The following CSMD1 variants were observed in gnomAD, a reference collection of about 807,000 sequenced individuals.
CSMD1 encodes the protein CUB and sushi domain-containing protein 1.
CSMD1 carries 213 observed loss-of-function variants against 417.5 expected under a neutral mutation model. The ratio of observed to expected loss-of-function variants is 0.51; its 90% CI spans 0.46 to 0.57. The LOEUF (loss-of-function observed/expected upper bound fraction) is 0.57. CSMD1 is among the 20% of genes least tolerant of loss of function. CSMD1 has a pLI of 0.00. For missense variants in CSMD1, 6,923 were observed against 4,529.7 expected (o/e 1.53, Z -15.17); for synonymous variants, 2,862 against 1,736.8 (o/e 1.65, Z -16.11).
chr8:4,986,757 T>C (rs762085155), intron 1 of CSMD1, among the ~76,000 whole-genome samples: 51 of 152,184 alleles, frequency 3.4e-4, no homozygotes, highest in Non-Finnish European at 4.1e-4. Context: ...GAATGATGGA[T>C]ACCGATAATA....
chr8:4,217,461 A>G (rs928022657), intron 3 of CSMD1, among the ~76,000 whole-genome samples: 4 of 152,190 alleles, frequency 2.6e-5, no homozygotes, highest in African/African-American at 9.7e-5. Flanking sequence ...AGCTATACAC[A>G]GTGAATTAAA....
At chr8:3,912,463 G>A (rs1368464022) in intron 5 of CSMD1, among the ~76,000 whole-genome samples, 3 of 152,160 alleles carry the variant, frequency 2.0e-5, no homozygotes, top group Non-Finnish European at 4.4e-5. Flanking sequence ...TCCTAAACCA[G>A]AGAGGCTGCG....
At chr8:4,789,345 G>C (rs898169411) in intron 1 of CSMD1, among the ~76,000 whole-genome samples, 5 of 152,140 alleles carry the variant, frequency 3.3e-5, no homozygotes, top group Admixed American at 3.3e-4. Context: ...AGACAATAAA[G>C]TATGAATTTC....
rs761057412 is a variant in CSMD1, at chr8:2,998,045, G to C, written c.8343C>G (p.Asn2781Lys). 6.2e-7 allele frequency: 1 copy of C among 1,613,950 alleles called. No individual in the cohort carries two copies. The highest frequency in any genetic ancestry group is 8.5e-7 in the Non-Finnish European group (1 of 1,179,860). ...TGGGCAGAGGGCTACTCCACTGGCCGTTGCTCCGACACTGGGCTCGAGACA... is the reference window on the plus strand; with the variant it reads ...TGGGCAGAGGGCTACTCCACTGGCCCTTGCTCCGACACTGGGCTCGAGACA... ...QGVSRAQCRS[N>K]GQWSSPLPTC... The change falls in exon 54 of 70, where the codon AAC becomes AAG. Residue 2781 changes from asparagine to lysine, a missense_variant. Coordinates refer to ENST00000635120, the MANE Select transcript of CSMD1 (RefSeq NM_033225.6).
At chr8:3,591,789 A>G (rs1800858431) in intron 8 of CSMD1, among the ~76,000 whole-genome samples, 1 of 121,428 alleles carries the variant, frequency 8.2e-6, no homozygotes, top group Non-Finnish European at 2.0e-5. Context: ...GGATGGATAG[A>G]TGGAAAGATG....
intron 12 of CSMD1, among the ~76,000 whole-genome samples, chr8:3,420,569 C>G (rs1380724939): frequency 6.6e-6 from 1 of 151,670 alleles, no homozygotes; most frequent in African/African-American, 2.4e-5. Flanking sequence ...TCTGTACTAT[C>G]TTTGCAACTT....
At chr8:3,320,243 G>A (rs949034533) in intron 23 of CSMD1, among the ~76,000 whole-genome samples, 6 of 152,176 alleles carry the variant, frequency 3.9e-5, no homozygotes, top group African/African-American at 1.4e-4. Context: ...GAGAGGGACG[G>A]AGGATGAGAA....
intron 2 of CSMD1, among the ~76,000 whole-genome samples, chr8:4,586,541 A>G (rs1799709310): frequency 6.6e-6 from 1 of 152,130 alleles, no homozygotes; most frequent in African/African-American, 2.4e-5. Flanking sequence ...GGAAAAATCA[A>G]TGTTTTTATG....
intron 23 of CSMD1, 104 bp from the exon 24 acceptor site, chr8:3,308,607 G>A (rs996787063): frequency 1.3e-6 from 1 of 771,614 alleles, no homozygotes; most frequent in Non-Finnish European, 2.1e-6. Context: ...TGAAGGGTAG[G>A]GAGAAAAAAG....
intron 5 of CSMD1, among the ~76,000 whole-genome samples, chr8:3,852,768 G>C (rs1006625012): frequency 1.3e-5 from 2 of 152,060 alleles, no homozygotes; most frequent in Non-Finnish European, 2.9e-5. Context: ...CAGGTTTGTA[G>C]GATCCATTCC....
chr8:3,975,780 T>C (rs1030098922), intron 5 of CSMD1, among the ~76,000 whole-genome samples: 3 of 152,226 alleles, frequency 2.0e-5, no homozygotes, highest in African/African-American at 7.2e-5. Flanking sequence ...AAGATTTCTC[T>C]GATAACTTAA....
chr8:3,042,932 T>C (rs575506749), intron 50 of CSMD1, among the ~76,000 whole-genome samples: 3 of 151,978 alleles, frequency 2.0e-5, no homozygotes, highest in African/African-American at 7.2e-5. Flanking sequence ...GATATATATA[T>C]AGTATATATA....
chr8:4,013,116 T>A (rs894071469), intron 4 of CSMD1, among the ~76,000 whole-genome samples: 34 of 152,302 alleles, frequency 2.2e-4, no homozygotes, highest in Admixed American at 1.3e-4. Flanking sequence ...GATGTCGTTT[T>A]TCTTCTCGTA....
chr8:4,936,588 A>G (rs1456798756), intron 1 of CSMD1, among the ~76,000 whole-genome samples: 1 of 152,182 alleles, frequency 6.6e-6, no homozygotes, highest in Non-Finnish European at 1.5e-5. Flanking sequence ...CTACCTGTGA[A>G]ACACTTTATT....
intron 2 of CSMD1, among the ~76,000 whole-genome samples, chr8:4,430,142 G>C (rs755837944): frequency 1.3e-5 from 2 of 152,148 alleles, no homozygotes; most frequent in African/African-American, 4.8e-5. Context: ...ATTCCACAAA[G>C]CAAATCTATG....
At chr8:4,753,686 TC>T (rs1243692578) in intron 1 of CSMD1, among the ~76,000 whole-genome samples, 2 of 152,198 alleles carry the variant, frequency 1.3e-5, no homozygotes, top group East Asian at 3.9e-4. Flanking sequence ...TGGTGTCTCT[TC>T]TGACCTTCTG....
chr8:4,096,533 T>A (rs985784475), intron 3 of CSMD1, among the ~76,000 whole-genome samples: 3 of 151,946 alleles, frequency 2.0e-5, no homozygotes, highest in Non-Finnish European at 4.4e-5. Context: ...AAACTGAGAA[T>A]GTTAAATCCT....
chr8:3,661,511 T>C (rs979493421), intron 7 of CSMD1, among the ~76,000 whole-genome samples: 2 of 152,098 alleles, frequency 1.3e-5, no homozygotes, highest in African/African-American at 4.8e-5. Context: ...TTTTTTTCTT[T>C]TTTGAGACTG....
intron 7 of CSMD1, among the ~76,000 whole-genome samples, chr8:3,645,854 T>C (rs1456414093): frequency 1.3e-5 from 2 of 152,228 alleles, no homozygotes; most frequent in African/African-American, 2.4e-5. Flanking sequence ...ATTGTTTAAA[T>C]AATGTTTTTA....
Sources: allele counts gnomAD v4.1 joint callset (sites outside exome capture counted in the v4.1 genomes callset), GRCh38; gene constraint gnomAD v4.1.1; transcripts MANE v1.5; gene names NCBI Gene and HGNC (gene_info 2026-07-23, HGNC 2026-07-21).